SNX25: variants seen among roughly 807,000 people sequenced by gnomAD.
SNX25 encodes sorting nexin-25.
SNX25 carries 62 observed loss-of-function variants against 113.7 expected under a neutral mutation model. That is an observed-to-expected ratio of 0.55 (90% CI 0.44 to 0.67). The LOEUF is 0.67. SNX25 is among the 30% of genes least tolerant of loss of function. The pLI, the probability that SNX25 is intolerant of heterozygous loss-of-function variation, is 0.00. For synonymous variants in SNX25, 421 were observed against 436.2 expected (o/e 0.97, Z 0.43); for missense variants, 1,014 against 1,161.0 (o/e 0.87, Z 1.84).
At chr4:185,325,169 C>T (rs1470483625) in intron 9 of SNX25, among the ~76,000 whole-genome samples, 2 of 152,138 alleles carry the variant, frequency 1.3e-5, no homozygotes, top group Admixed American at 6.5e-5. Flanking sequence ...AAACAACATT[C>T]CTCACCCAAT....
chr4:185,294,112 G>A (rs993011564), intron 6 of SNX25, among the ~76,000 whole-genome samples: 1 of 152,136 alleles, frequency 6.6e-6, no homozygotes, highest in African/African-American at 2.4e-5. Flanking sequence ...GGTGCGATCC[G>A]CTGACTTTAC....
chr4:185,332,833 G>T, intron 10 of SNX25, 74 bp downstream of exon 10: 1 of 1,431,376 alleles, frequency 7.0e-7, no homozygotes, highest in Non-Finnish European at 9.5e-7. Flanking sequence ...TTGAGGTTGA[G>T]AAGTGTCAGT....
chr4:185,274,488 A>T (rs563649790), intron 5 of SNX25, among the ~76,000 whole-genome samples: 2 of 152,344 alleles, frequency 1.3e-5, no homozygotes, highest in African/African-American at 4.8e-5. Flanking sequence ...TAGTTAAAAA[A>T]TAGAGGATTC....
intron 13 of SNX25, among the ~76,000 whole-genome samples, chr4:185,348,999 C>T (rs1236048016): frequency 6.6e-6 from 1 of 152,074 alleles, no homozygotes; most frequent in Non-Finnish European, 1.5e-5. Flanking sequence ...AACTTATGTC[C>T]TCCAGGTTCA....
At chr4:185,353,625 A>G (rs755266803) in intron 15 of SNX25, 23 bp downstream of exon 15, 22 of 1,570,884 alleles carry the variant, frequency 1.4e-5, no homozygotes, top group Non-Finnish European at 1.8e-5. Flanking sequence ...GTTATTATTT[A>G]GTGGTATTTG....
chr4:185,216,816 C>T (rs980644761), intron 1 of SNX25, among the ~76,000 whole-genome samples: 2 of 151,844 alleles, frequency 1.3e-5, no homozygotes, highest in Non-Finnish European at 2.9e-5. Context: ...CCACCTCGCC[C>T]GGCCGACAAA....
chr4:185,361,021 C>T (rs545492987), intron 16 of SNX25, among the ~76,000 whole-genome samples: 1 of 151,600 alleles, frequency 6.6e-6, no homozygotes, highest in African/African-American at 2.4e-5. Flanking sequence ...AAATGCATAA[C>T]TGTGCAAGTC....
At chr4:185,317,651 A>AAT (rs560219944) in intron 7 of SNX25, among the ~76,000 whole-genome samples, 129 of 152,318 alleles carry the variant, frequency 8.5e-4, no homozygotes, top group African/African-American at 3.0e-3. Flanking sequence ...ATAAAAAAGA[A>AAT]TGAGTTCATG....
chr4:185,221,492 ACTT>A (rs1481579132), intron 1 of SNX25, among the ~76,000 whole-genome samples: 1 of 151,784 alleles, frequency 6.6e-6, no homozygotes, highest in African/African-American at 2.4e-5. Context: ...GCATTCATCT[ACTT>A]CTTTCAGTCT....
chr4:185,306,798 A>G (rs767409159), intron 6 of SNX25, among the ~76,000 whole-genome samples: 1 of 152,332 alleles, frequency 6.6e-6, no homozygotes, highest in Non-Finnish European at 1.5e-5. Context: ...CCTTAGGTAC[A>G]CTCACAAAAC....
intron 1 of SNX25, among the ~76,000 whole-genome samples, chr4:185,237,423 A>T (rs1252777720): frequency 6.6e-6 from 1 of 152,190 alleles, no homozygotes; most frequent in Non-Finnish European, 1.5e-5. Flanking sequence ...AAATACTTCA[A>T]GAATTATGTG....
At chr4:185,235,637 A>T (rs531389393) in intron 1 of SNX25, among the ~76,000 whole-genome samples, 2 of 152,326 alleles carry the variant, frequency 1.3e-5, no homozygotes, top group South Asian at 4.1e-4. Context: ...CACAACTATC[A>T]TCCCAACATT....
At chr4:185,298,358 G>A (rs552979103) in intron 6 of SNX25, among the ~76,000 whole-genome samples, 5 of 152,048 alleles carry the variant, frequency 3.3e-5, no homozygotes, top group East Asian at 1.9e-4. Flanking sequence ...CAAAGTGTTC[G>A]GATTACAGGC....
At chr4:185,329,209 G>A (rs769056687) in intron 9 of SNX25, among the ~76,000 whole-genome samples, 3 of 152,112 alleles carry the variant, frequency 2.0e-5, no homozygotes, top group African/African-American at 4.8e-5. Context: ...TCAGGCCATC[G>A]GTTGTCATTA....
the SNX25 span, chr4:185,377,179 G>GA: frequency 2.1e-5 from 13 of 615,980 alleles, no homozygotes; most frequent in Middle Eastern, 8.7e-4. Flanking sequence ...AATATTACCT[G>GA]AAAAAACGTC....
In SNX25 at chr4:185,328,633, GTTAAA is replaced by G. The variant is rs2095172724; in HGVS notation, c.1750-3956_1750-3952del. Among the ~76,000 whole-genome samples the G allele has an allele frequency of 3.9e-5, 6 of 152,196 alleles. No homozygotes were observed. The South Asian group carries it at 1.0e-3, about 26-fold the overall frequency. On this transcript the variant is annotated intron_variant, in intron 9 of 18. Coordinates refer to ENST00000652585, the MANE Select transcript of SNX25 (RefSeq NM_001378034.2). The stretch of plus-strand genomic sequence containing the variant: ...TAGAATTATATAAATGTCATGCCAA[GTTAAA>G]TTAAAGGATTGGGTTATGTGTAGGA...
At chr4:185,258,537 A>C (rs1000907198) in intron 2 of SNX25, among the ~76,000 whole-genome samples, 7 of 152,206 alleles carry the variant, frequency 4.6e-5, no homozygotes, top group African/African-American at 1.7e-4. Context: ...GGTACACTTC[A>C]TAAGTGTATT....
chr4:185,269,131 C>T (rs1226584924), intron 5 of SNX25, among the ~76,000 whole-genome samples: 2 of 152,122 alleles, frequency 1.3e-5, no homozygotes, highest in Non-Finnish European at 2.9e-5. Context: ...ATGTGAGGCT[C>T]ACAGGTTACA....
intron 6 of SNX25, among the ~76,000 whole-genome samples, chr4:185,305,967 G>A (rs1189945367): frequency 2.0e-5 from 3 of 152,098 alleles, no homozygotes; most frequent in African/African-American, 7.2e-5. Flanking sequence ...TGTTTCACTG[G>A]CCACTTCTTT....
Sources: gnomAD v4.1 joint callset for allele counts (sites outside exome capture counted in the v4.1 genomes callset) on GRCh38, gnomAD v4.1.1 for gene constraint, MANE v1.5 for transcripts, NCBI Gene and HGNC (gene_info 2026-07-23, HGNC 2026-07-21) for gene names.